The following PPP2R1A variants were observed in gnomAD, a reference collection of about 807,000 sequenced individuals.
The protein encoded by PPP2R1A is serine/threonine-protein phosphatase 2A 65 kDa regulatory subunit A alpha isoform.
PPP2R1A carries 15 observed loss-of-function variants against 67.1 expected under a neutral mutation model. The ratio of observed to expected loss-of-function variants is 0.22; its 90% CI spans 0.15 to 0.34. PPP2R1A has a LOEUF of 0.34. Among genes scored for constraint, PPP2R1A ranks in the 10% least tolerant of loss-of-function variants. The pLI, the probability that PPP2R1A is intolerant of heterozygous loss-of-function variation, is 1.00. For missense variants in PPP2R1A, 369 were observed against 775.0 expected (o/e 0.48, Z 6.22); for synonymous variants, 337 against 325.0 (o/e 1.04, Z -0.40).
chr19:52,197,625 C>T (rs1040670691), intron 1 of PPP2R1A, among the ~76,000 whole-genome samples: 5 of 152,204 alleles, frequency 3.3e-5, no homozygotes, highest in Admixed American at 1.3e-4. Context: ...CAGTGAGCTA[C>T]GATTGTGCCA....
At chr19:52,223,189 A>G (rs1251956878) in intron 13 of PPP2R1A, among the ~76,000 whole-genome samples, 1 of 152,240 alleles carries the variant, frequency 6.6e-6, no homozygotes, top group Non-Finnish European at 1.5e-5. Context: ...TTTAAAAAAC[A>G]TAGCTGAGTC....
Position 52,203,310 on chromosome 19 carries a change from C to T in PPP2R1A, c.169+1276C>T, listed in dbSNP as rs10401204. Among the ~76,000 whole-genome samples, 1,007 of 152,182 alleles carry T rather than the reference C, an allele frequency of 6.6e-3. 10 individuals carry two copies. The highest frequency in any genetic ancestry group is 0.023 in the African/African-American group (974 of 41,490). On this transcript the variant is annotated intron_variant, in intron 2 of 14. Coordinates refer to ENST00000322088, the MANE Select transcript of PPP2R1A (RefSeq NM_014225.6). ...GCTCGTATGACACTGAACAAATGGC[C>T]CCAAACCAGGTGGCTTCTATTGGTG...
chr19:52,202,964 C>T (rs1483554555), intron 2 of PPP2R1A, among the ~76,000 whole-genome samples: 6 of 152,262 alleles, frequency 3.9e-5, no homozygotes. Flanking sequence ...CACTGTCTGA[C>T]ACAGACTGGA....
chr19:52,218,220 C>T (rs1256973953), intron 9 of PPP2R1A, among the ~76,000 whole-genome samples: 1 of 152,114 alleles, frequency 6.6e-6, no homozygotes, highest in African/African-American at 2.4e-5. Flanking sequence ...AGTCTTTCTT[C>T]CCCATCCCCT....
At position 52,190,132 on chromosome 19, in the gene PPP2R1A, C is replaced by T. The variant is rs768487870; in HGVS notation, c.36C>T (p.Pro12=). ...AAADGDDSLY[P]IAVLIDELRN... is the part of the protein sequence containing the mutation. ...CCGACGGCGACGACTCGCTGTACCCCATCGCGGTGCTCATAGACGAACTCC... is the reference window on the plus strand; with the variant it reads ...CCGACGGCGACGACTCGCTGTACCCTATCGCGGTGCTCATAGACGAACTCC... The change falls in exon 1 of 15, where the codon CCC becomes CCT. Residue 12 remains proline, a synonymous_variant. Coordinates refer to ENST00000322088, the MANE Select transcript of PPP2R1A (RefSeq NM_014225.6). 4 of 1,550,638 alleles carry T rather than the reference C, an allele frequency of 2.6e-6. No homozygotes were observed. The South Asian group carries it at 3.6e-5, about 14-fold the overall frequency.
At position 52,190,108 on chromosome 19, in the gene PPP2R1A, C is replaced by A; in HGVS notation, c.12C>A (p.Ala4=). ...GGGACGGAGCCAAGATGGCGGCGGCCGACGGCGACGACTCGCTGTACCCCA... is the reference window on the plus strand; with the variant it reads ...GGGACGGAGCCAAGATGGCGGCGGCAGACGGCGACGACTCGCTGTACCCCA... The part of the protein sequence containing the change: MAA[A]DGDDSLYPIA... Residue 4 remains alanine (A), a synonymous_variant, in exon 1 of 15, where the codon GCC becomes GCA. Transcript: ENST00000322088. The A allele has an allele frequency of 6.5e-7, 1 of 1,548,750 alleles. No individual in the cohort carries two copies. The highest frequency in any genetic ancestry group is 8.7e-7 in the Non-Finnish European group (1 of 1,145,720).
chr19:52,212,782 C>T lies in PPP2R1A; in HGVS notation c.600C>T (p.Asn200=), dbSNP rs764764277. 9.2e-5 allele frequency: 149 copies of T among 1,613,248 alleles called. 1 individual carries two copies. The highest frequency in any genetic ancestry group is 1.7e-4 in the Admixed American group (10 of 59,834). The change falls in exon 5 of 15, where the codon AAC becomes AAT. Residue 200 remains asparagine (N), a synonymous_variant. Coordinates refer to ENST00000322088, the MANE Select transcript of PPP2R1A (RefSeq NM_014225.6). This position sits in a 1 kb window ranked among gnomAD's most constrained non-coding sequence, Gnocchi z 4.1. ...GEFAKVLELD[N]VKSEIIPMFS... ...TTGCCAAGGTGCTGGAGCTGGACAA[C>T]GTCAAGAGTGAGATCATCCCCATGT...
intron 1 of PPP2R1A, among the ~76,000 whole-genome samples, chr19:52,195,191 T>C (rs2122283092): frequency 6.6e-6 from 1 of 152,170 alleles, no homozygotes; most frequent in Non-Finnish European, 1.5e-5. Context: ...CAGGTGCATA[T>C]AGTGGGAAGG....
intron 11 of PPP2R1A, among the ~76,000 whole-genome samples, chr19:52,220,633 C>G (rs1978858580): frequency 6.6e-6 from 1 of 152,030 alleles, no homozygotes; most frequent in Non-Finnish European, 1.5e-5. Context: ...ATTGTTTACA[C>G]TAAGAGAGGT....
Position 52,222,136 on chromosome 19 carries a change from A to G in PPP2R1A, c.1556A>G (p.Lys519Arg). 2 of 1,613,990 alleles carry G rather than the reference A, an allele frequency of 1.2e-6. No individual in the cohort carries two copies. The highest frequency in any genetic ancestry group is 1.7e-6 in the Non-Finnish European group (2 of 1,179,956). The change falls in exon 13 of 15, where the codon AAG becomes AGG. Residue 519 changes from lysine to arginine, a missense_variant. Lys to Arg is a conservative substitution (Grantham distance 26). Transcript: ENST00000322088. ...GTCTGTGGGCAGGACATCACCACCA[A>G]GCACATGCTACCCACGGTTCTGCGC... ...SEVCGQDITT[K>R]HMLPTVLRMA...
In PPP2R1A at chr19:52,213,172, G is replaced by T. The variant is rs1389131209; in HGVS notation, c.807+62G>T. The stretch of plus-strand genomic sequence containing the variant: ...GGACACTGACACTCTCAGAAGGGAA[G>T]CATATAGGAGCTGAGGTTTCCATTA... On this transcript the variant is annotated intron_variant, in intron 6 of 14. Transcript: ENST00000322088. This position sits in a 1 kb window ranked among gnomAD's most constrained non-coding sequence, Gnocchi z 4.2. 12 of 1,487,140 alleles carry T rather than the reference G, an allele frequency of 8.1e-6. No homozygotes were observed. Among genetic ancestry groups the T allele is most frequent in the Non-Finnish European group, 1.1e-5 (12 of 1,125,674 alleles). 92.1% of individuals were successfully genotyped at this position (1,487,140 alleles called of 1,614,324 possible).
At chr19:52,210,623 C>G (rs1181957194) in intron 3 of PPP2R1A, among the ~76,000 whole-genome samples, 1 of 151,784 alleles carries the variant, frequency 6.6e-6, no homozygotes, top group Admixed American at 6.6e-5. Flanking sequence ...TCCCGAGTAG[C>G]TGGGATTACA....
intron 13 of PPP2R1A, among the ~76,000 whole-genome samples, chr19:52,225,424 C>G (rs556505263): frequency 6.6e-6 from 1 of 152,152 alleles, no homozygotes; most frequent in Non-Finnish European, 1.5e-5. Context: ...GGATAATTAG[C>G]ATATCTATCA....
intron 3 of PPP2R1A, 44 bp downstream of exon 3, chr19:52,206,107 G>A (rs1268142861): frequency 3.2e-6 from 5 of 1,569,280 alleles, no homozygotes; most frequent in East Asian, 2.2e-5. Flanking sequence ...CCTTAGGGTC[G>A]GCCCATGGTC....
chr19:52,192,857 A>T (rs1388341326), intron 1 of PPP2R1A, among the ~76,000 whole-genome samples: 1 of 151,394 alleles, frequency 6.6e-6, no homozygotes, highest in Non-Finnish European at 1.5e-5. Context: ...TAGGCATTCC[A>T]CCCCCCAGGA....
intron 2 of PPP2R1A, among the ~76,000 whole-genome samples, chr19:52,203,204 G>A (rs2089568934): frequency 6.6e-6 from 1 of 152,142 alleles, no homozygotes; most frequent in Non-Finnish European, 1.5e-5. Context: ...AAGAGGTGCA[G>A]TGACTCGCCT....
chr19:52,191,821 G>C (rs1365137298), intron 1 of PPP2R1A, among the ~76,000 whole-genome samples: 2 of 152,194 alleles, frequency 1.3e-5, no homozygotes, highest in Non-Finnish European at 2.9e-5. Context: ...CAGGTCAGCA[G>C]AGCTGAATAG....
chr19:52,206,335 A>C (rs892486985), intron 3 of PPP2R1A, among the ~76,000 whole-genome samples: 4 of 152,178 alleles, frequency 2.6e-5, no homozygotes, highest in Admixed American at 6.5e-5. Context: ...GTTTAGAGTC[A>C]GGTTGGGTTC....
rs2089680615 is a variant in PPP2R1A, at chr19:52,212,583, A to T, written c.504-103A>T. On this transcript the variant is annotated intron_variant, in intron 4 of 14. Transcript: ENST00000322088. This position sits in a 1 kb window ranked among gnomAD's most constrained non-coding sequence, Gnocchi z 4.1. ...CAGAGAGGGGGTCATCACTTGCCCA[A>T]GGTCATTCAGCTAAAACCTGGACCC... The T allele has an allele frequency of 2.1e-6, 3 of 1,404,196 alleles. No homozygotes were observed. Among genetic ancestry groups the T allele is most frequent in the Non-Finnish European group, 9.6e-7 (1 of 1,037,162 alleles). 87.0% of individuals were successfully genotyped at this position (1,404,196 alleles called of 1,614,324 possible).
Sources: allele counts gnomAD v4.1 joint callset (sites outside exome capture counted in the v4.1 genomes callset), GRCh38; gene constraint gnomAD v4.1.1; non-coding constraint Gnocchi (gnomAD v3.1); transcripts MANE v1.5; gene names NCBI Gene and HGNC (gene_info 2026-07-23, HGNC 2026-07-21).